The following BRINP2 variants were observed in gnomAD, a reference collection of about 807,000 sequenced individuals.
The protein encoded by BRINP2 is BMP/retinoic acid-inducible neural-specific protein 2.
BRINP2 carries 21 observed loss-of-function variants against 69.2 expected under a neutral mutation model. The ratio of observed to expected loss-of-function variants is 0.30; its 90% CI spans 0.22 to 0.44. BRINP2 has a LOEUF of 0.44. BRINP2 is among the 20% of genes least tolerant of loss of function. The pLI, the probability that BRINP2 is intolerant of heterozygous loss-of-function variation, is 1.00. For synonymous variants in BRINP2, 380 were observed against 394.1 expected, an observed-to-expected ratio of 0.96 and a Z score of 0.42; for missense variants, 877 against 986.0, an observed-to-expected ratio of 0.89 and a Z score of 1.48.
At chr1:177,201,125 C>T (rs1648897948) in intron 1 of BRINP2, among the ~76,000 whole-genome samples, 1 of 152,032 alleles carries the variant, frequency 6.6e-6, no homozygotes, top group African/African-American at 2.4e-5. Context: ...TCTCAGAAAT[C>T]ACCAATGAAG....
Position 177,196,628 on chromosome 1 carries a change from A to C in BRINP2, c.-77+24896A>C, listed in dbSNP as rs192868326. Among the ~76,000 whole-genome samples the C allele has an allele frequency of 1.3e-3, 191 of 152,028 alleles. 1 individual carries two copies. The highest frequency in any genetic ancestry group is 4.2e-3 in the African/African-American group (172 of 41,412). On this transcript the variant is annotated intron_variant, in intron 1 of 7. Coordinates refer to ENST00000361539, the MANE Select transcript of BRINP2 (RefSeq NM_021165.4). ...AATGAAACTCCATCTCAAAAAAAAA[A>C]AAGAAAGAAAAAGAAATGCAAATTC...
At position 177,270,610 on chromosome 1, in the gene BRINP2, C is replaced by T. The variant is rs1651288215; in HGVS notation, c.670-2878C>T. Among the ~76,000 whole-genome samples the T allele has an allele frequency of 2.6e-5, 4 of 152,164 alleles. 1 individual carries two copies. The highest frequency in any genetic ancestry group is 5.9e-5 in the Non-Finnish European group (4 of 68,026). On this transcript the variant is annotated intron_variant, in intron 4 of 7. Coordinates refer to ENST00000361539, the MANE Select transcript of BRINP2 (RefSeq NM_021165.4). ...CTAGCCTGTCCTCCTCTTTGGGTCA[C>T]ATCTTATTCCCACTTAAGGCTTGTT...
intron 4 of BRINP2, among the ~76,000 whole-genome samples, chr1:177,261,948 T>C (rs1571939412): frequency 6.6e-6 from 1 of 152,016 alleles, no homozygotes; most frequent in Non-Finnish European, 1.5e-5. Flanking sequence ...GTCACTAAGG[T>C]GAAGATTGAG....
chr1:177,205,920 G>T (rs966361438), intron 1 of BRINP2, among the ~76,000 whole-genome samples: 1 of 152,206 alleles, frequency 6.6e-6, no homozygotes, highest in Non-Finnish European at 1.5e-5. Context: ...GCGTATCAGT[G>T]CTGGTCTATG....
At chr1:177,178,408 C>G (rs1648150297) in intron 1 of BRINP2, among the ~76,000 whole-genome samples, 1 of 152,182 alleles carries the variant, frequency 6.6e-6, no homozygotes, top group African/African-American at 2.4e-5. Context: ...TCCCGCTTCT[C>G]ACAGCAGCCA....
chr1:177,196,270 G>A (rs1648740891), intron 1 of BRINP2, among the ~76,000 whole-genome samples: 1 of 152,192 alleles, frequency 6.6e-6, no homozygotes. Flanking sequence ...TCAGGCCCTA[G>A]TTCCAGAGAT....
chr1:177,232,209 A>C (rs1649878369), intron 2 of BRINP2, among the ~76,000 whole-genome samples: 1 of 152,198 alleles, frequency 6.6e-6, no homozygotes, highest in South Asian at 2.1e-4. Flanking sequence ...AGAGGGAACA[A>C]ACTCTCAGCT....
chr1:177,220,122 G>A (rs1031697269), intron 1 of BRINP2, among the ~76,000 whole-genome samples: 2 of 152,246 alleles, frequency 1.3e-5, no homozygotes, highest in Non-Finnish European at 2.9e-5. Flanking sequence ...AATATATAAA[G>A]AGGAACTCTA....
At chr1:177,192,515 C>G (rs1174593971) in intron 1 of BRINP2, among the ~76,000 whole-genome samples, 3 of 152,162 alleles carry the variant, frequency 2.0e-5, no homozygotes, top group African/African-American at 7.2e-5. Flanking sequence ...TTTCCCCTTA[C>G]TACTGCCTGG....
At chr1:177,241,524 A>T (rs1379348666) in intron 2 of BRINP2, among the ~76,000 whole-genome samples, 3 of 151,876 alleles carry the variant, frequency 2.0e-5, no homozygotes, top group Non-Finnish European at 4.4e-5. Context: ...CTCCTCTCGC[A>T]TTCTCTTCCA....
rs544103174 is a variant in BRINP2, at chr1:177,207,246, G to A, written c.-76-22555G>A. Among the ~76,000 whole-genome samples the A allele has an allele frequency of 3.4e-4, 51 of 152,232 alleles. 1 individual carries two copies. The South Asian group carries it at 6.2e-3, about 19-fold the overall frequency. ...CAAATAAATCCTATAGAAGAAGAAAGATGTTACCTAGAGCCTGAGTGGCTA... is the reference window on the plus strand; with the variant it reads ...CAAATAAATCCTATAGAAGAAGAAAAATGTTACCTAGAGCCTGAGTGGCTA... On this transcript the variant is annotated intron_variant, in intron 1 of 7. Coordinates refer to ENST00000361539, the MANE Select transcript of BRINP2 (RefSeq NM_021165.4).
At chr1:177,241,815 C>T (rs1650214222) in intron 2 of BRINP2, among the ~76,000 whole-genome samples, 1 of 152,154 alleles carries the variant, frequency 6.6e-6, no homozygotes, top group South Asian at 2.1e-4. Context: ...ACAGTGGTGC[C>T]AGGTCACAGG....
At position 177,257,397 on chromosome 1, in the gene BRINP2, G is replaced by A. The variant is rs1650805090; in HGVS notation, c.669+13G>A. The A allele has an allele frequency of 3.1e-6, 5 of 1,589,536 alleles. No homozygotes were observed. In the African/African-American group the frequency reaches 6.7e-5, roughly 21 times the overall value. On this transcript the variant is annotated intron_variant, in intron 4 of 7. Transcript: ENST00000361539. ...GGGGGCCATCAAGGTAATGACCTGA[G>A]AGGTACAGGGAAGGGGATGGGGGAA...
chr1:177,216,718 T>G (rs61814774), intron 1 of BRINP2, among the ~76,000 whole-genome samples: 3,794 of 152,050 alleles, frequency 0.025, 68 homozygotes, highest in Non-Finnish European at 0.038. Flanking sequence ...TCTGGGAAAG[T>G]TTTTATTTCT....
chr1:177,260,851 G>A (rs1011188561), intron 4 of BRINP2, among the ~76,000 whole-genome samples: 23 of 152,280 alleles, frequency 1.5e-4, no homozygotes, highest in Middle Eastern at 3.4e-3. Context: ...CAAAAAATGT[G>A]CATGACTTGC....
chr1:177,257,905 G>A (rs1289261270), intron 4 of BRINP2, among the ~76,000 whole-genome samples: 3 of 152,188 alleles, frequency 2.0e-5, no homozygotes, highest in Admixed American at 2.0e-4. Flanking sequence ...TAAGTACTAA[G>A]GCCTTTTAGC....
intron 1 of BRINP2, among the ~76,000 whole-genome samples, chr1:177,195,787 C>T (rs574927492): frequency 4.5e-4 from 68 of 151,888 alleles, no homozygotes; most frequent in Non-Finnish European, 8.1e-4. Flanking sequence ...TGGAGAAAAA[C>T]GTGTGGGGCC....
intron 1 of BRINP2, among the ~76,000 whole-genome samples, chr1:177,209,983 A>G (rs1381997808): frequency 1.3e-5 from 2 of 152,210 alleles, no homozygotes; most frequent in African/African-American, 2.4e-5. Flanking sequence ...TCTTGAGAGC[A>G]TAGCATTTTG....
chr1:177,262,534 G>A (rs1164779076), intron 4 of BRINP2, among the ~76,000 whole-genome samples: 1 of 149,222 alleles, frequency 6.7e-6, no homozygotes, highest in Non-Finnish European at 1.5e-5. Flanking sequence ...AGCCTCCATA[G>A]AGAGGGAGAA....
Sources: allele counts gnomAD v4.1 joint callset (sites outside exome capture counted in the v4.1 genomes callset), GRCh38; gene constraint gnomAD v4.1.1; transcripts MANE v1.5; gene names NCBI Gene and HGNC (gene_info 2026-07-23, HGNC 2026-07-21).